The following IL4R variants were observed in gnomAD, a reference collection of about 807,000 sequenced individuals.
IL4R encodes interleukin-4 receptor subunit alpha.
A neutral mutation model predicts 41.5 loss-of-function variants in IL4R; 17 were observed. The ratio of observed to expected loss-of-function variants is 0.41; its 90% CI spans 0.28 to 0.61. The LOEUF (loss-of-function observed/expected upper bound fraction) is 0.61, where lower values mean the gene tolerates loss of function less well. IL4R is among the 20% of genes least tolerant of loss of function. IL4R has a pLI of 0.31. For missense variants in IL4R, 974 were observed against 1,043.1 expected (o/e 0.93, Z 0.91); for synonymous variants, 402 against 422.9 (o/e 0.95, Z 0.61).
Position 27,362,388 on chromosome 16 carries a change from A to G in IL4R, c.1036A>G (p.Ile346Val), listed in dbSNP as rs1207296403. 4.3e-6 allele frequency: 7 copies of G among 1,613,992 alleles called. No individual in the cohort carries two copies. The highest frequency in any genetic ancestry group is 5.9e-6 in the Non-Finnish European group (7 of 1,180,036). Residue 346 changes from isoleucine (I) to valine (V), a missense_variant, in exon 11 of 11, where the codon ATC becomes GTC. By Grantham distance (29) the Ile-to-Val change is conservative. Coordinates refer to ENST00000395762, the MANE Select transcript of IL4R (RefSeq NM_000418.4). Reference sequence around the variant, plus strand: ...AAAATCAGCATGGTGCCCAGTGGAGATCAGCAAGACAGTCCTCTGGCCAGA... The same window carrying G: ...AAAATCAGCATGGTGCCCAGTGGAGGTCAGCAAGACAGTCCTCTGGCCAGA... Reference protein sequence around the residue: ...SGKSAWCPVEISKTVLWPESI... With the variant: ...SGKSAWCPVEVSKTVLWPESI...
In IL4R at chr16:27,329,036, G is replaced by A. The variant is rs2085039350; in HGVS notation, c.-151-1030G>A. 2.0e-5 allele frequency among the ~76,000 whole-genome samples: 3 copies of A among 152,160 alleles called. No individual in the cohort carries two copies. In the South Asian group the frequency reaches 6.2e-4, roughly 31 times the overall value. ...GTGTTGGAGGTGGGTCCTGGTGGGAGATGTTGGGTCATGGGGACGGGTCCC... is the reference window on the plus strand; with the variant it reads ...GTGTTGGAGGTGGGTCCTGGTGGGAAATGTTGGGTCATGGGGACGGGTCCC... On this transcript the variant is annotated intron_variant, in intron 1 of 10. Coordinates refer to ENST00000395762, the MANE Select transcript of IL4R (RefSeq NM_000418.4).
Position 27,363,757 on chromosome 16 carries a change from C to G in IL4R, c.2405C>G (p.Ala802Gly). 1 of 1,612,770 alleles carries G rather than the reference C, an allele frequency of 6.2e-7. No individual in the cohort carries two copies. ...SSSFHPAPGN[A>G]QSSSQTPKIV... ...TCCTTCCATCCTGCCCCTGGCAATG[C>G]TCAGAGCTCAAGCCAGACCCCCAAA... The change falls in exon 11 of 11, where the codon GCT becomes GGT. Residue 802 changes from alanine (A) to glycine (G), a missense_variant. By Grantham distance (60) the Ala-to-Gly change is moderately conservative. This residue lies in a region of IL4R where 682 missense variants were observed against 704.3 expected (regional missense o/e 0.97). Coordinates refer to ENST00000395762, the MANE Select transcript of IL4R (RefSeq NM_000418.4).
intron 2 of IL4R, among the ~76,000 whole-genome samples, chr16:27,336,378 A>T (rs1211911710): frequency 6.6e-6 from 1 of 152,116 alleles, no homozygotes; most frequent in African/African-American, 2.4e-5. Context: ...GAGGAAAAGC[A>T]CGCGTAAGGG....
rs1011518566 is a variant in IL4R, at chr16:27,345,092, G to A, written c.361+72G>A. 14 of 533,184 alleles carry A rather than the reference G, an allele frequency of 2.6e-5. No homozygotes were observed. Among genetic ancestry groups the A allele is most frequent in the African/African-American group, 2.1e-4 (11 of 52,500 alleles). 33.0% of individuals were successfully genotyped at this position (533,184 alleles called of 1,614,324 possible). ...GCTGCCTGGGCTGAGGGTGGGGTGGGCAGGGGAGGAGGTGGGGTCATAGCA... is the reference window on the plus strand; with the variant it reads ...GCTGCCTGGGCTGAGGGTGGGGTGGACAGGGGAGGAGGTGGGGTCATAGCA... On this transcript the variant is annotated intron_variant, in intron 5 of 10. Coordinates refer to ENST00000395762, the MANE Select transcript of IL4R (RefSeq NM_000418.4). The surrounding 1 kb of genome is among the most constrained non-coding windows in gnomAD (Gnocchi z 4.5).
At chr16:27,313,875 C>A, upstream of IL4R, 1 of 975,408 alleles carries the variant, frequency 1.0e-6, no homozygotes, top group Non-Finnish European at 1.2e-6. Context: ...ATCTGCCGGG[C>A]GCCGGGGCGG....
chr16:27,358,080 G>A (rs1256004566), intron 8 of IL4R, among the ~76,000 whole-genome samples: 2 of 152,058 alleles, frequency 1.3e-5, no homozygotes, highest in South Asian at 2.1e-4. Context: ...TTTTAGTAGA[G>A]ACGGTGTTTC....
Position 27,345,134 on chromosome 16 carries a change from G to A in IL4R, c.361+114G>A, listed in dbSNP as rs1468058574. ...GTCATAGCAACAGCAGGAGGAAGCC[G>A]CCTGTATTTTCCCAAATCTGATGGG... On this transcript the variant is annotated intron_variant, in intron 5 of 10. Transcript: ENST00000395762. This position sits in a 1 kb window ranked among gnomAD's most constrained non-coding sequence, Gnocchi z 4.5. 22 of 1,185,250 alleles carry A rather than the reference G, an allele frequency of 1.9e-5. No homozygotes were observed. The highest frequency in any genetic ancestry group is 1.9e-4 in the Middle Eastern group (1 of 5,250). The allele number at this position is 1,185,250 out of a possible 1,614,324, so 73.4% of individuals were successfully genotyped here. A position where few individuals can be genotyped will look rare whatever the true frequency, so the allele number is the denominator to read the frequency against.
intron 6 of IL4R, among the ~76,000 whole-genome samples, chr16:27,347,258 T>C (rs2085682692): frequency 6.6e-6 from 1 of 152,222 alleles, no homozygotes; most frequent in Non-Finnish European, 1.5e-5. Context: ...TGGCGTGATC[T>C]TGGCTCACTG....
At chr16:27,359,273 C>A (rs1219455555) in intron 9 of IL4R, among the ~76,000 whole-genome samples, 1 of 152,170 alleles carries the variant, frequency 6.6e-6, no homozygotes, top group African/African-American at 2.4e-5. Flanking sequence ...GGGTCATCAT[C>A]ACTGTGTCAT....
intron 2 of IL4R, among the ~76,000 whole-genome samples, chr16:27,331,891 C>T (rs1357925291): frequency 6.6e-6 from 1 of 152,004 alleles, no homozygotes; most frequent in East Asian, 1.9e-4. Flanking sequence ...TTGTTAGTTG[C>T]CTACACATTA....
chr16:27,326,863 G>A (rs867936754), intron 1 of IL4R, among the ~76,000 whole-genome samples: 1 of 152,042 alleles, frequency 6.6e-6, no homozygotes, highest in South Asian at 2.1e-4. Flanking sequence ...GGCAGATCCC[G>A]GGCCATTCTG....
At chr16:27,341,194 G>C (rs2085429600) in intron 3 of IL4R, 2 of 694,358 alleles carry the variant, frequency 2.9e-6, no homozygotes, top group Non-Finnish European at 5.3e-6. Flanking sequence ...GGACAGATTG[G>C]AATTGAGGTG....
intron 6 of IL4R, among the ~76,000 whole-genome samples, chr16:27,350,706 G>A (rs2085835322): frequency 6.6e-6 from 1 of 152,064 alleles, no homozygotes; most frequent in Non-Finnish European, 1.5e-5. Context: ...CTTTTTTGGA[G>A]GGTAAAAGTA....
rs763042683 is a variant in IL4R at position 27,362,787 on chromosome 16, C to G, written c.1435C>G (p.Pro479Ala). The G allele has an allele frequency of 6.2e-7, 1 of 1,614,192 alleles. No individual in the cohort carries two copies. Among genetic ancestry groups the G allele is most frequent in the Non-Finnish European group, 8.5e-7 (1 of 1,180,026 alleles). ...PSPPASPTQSPDNLTCTETPL... is the reference protein window; with the variant it reads ...PSPPASPTQSADNLTCTETPL... ...TCCTCCTGCCAGCCCGACCCAGAGT[C>G]CAGACAACCTGACTTGCACAGAGAC... Residue 479 changes from proline (P) to alanine (A), a missense_variant, in exon 11 of 11, where the codon CCA becomes GCA. This residue lies in a region of IL4R where 682 missense variants were observed against 704.3 expected (regional missense o/e 0.97). Coordinates refer to ENST00000395762, the MANE Select transcript of IL4R (RefSeq NM_000418.4).
Position 27,363,215 on chromosome 16 carries a change from G to A in IL4R, c.1863G>A (p.Gly621=). 6.2e-7 allele frequency: 1 copy of A among 1,608,782 alleles called. No homozygotes were observed. The highest frequency in any genetic ancestry group is 8.5e-7 in the Non-Finnish European group (1 of 1,176,958). ...ASSAVSPEKC[G]FGASSGEEGY... is the part of the protein sequence containing the mutation. ...GTGCTGTGTCCCCAGAGAAATGTGGGTTTGGGGCTAGCAGTGGGGAAGAGG... is the reference window on the plus strand; with the variant it reads ...GTGCTGTGTCCCCAGAGAAATGTGGATTTGGGGCTAGCAGTGGGGAAGAGG... Residue 621 remains glycine, a synonymous_variant, in exon 11 of 11, where the codon GGG becomes GGA. Coordinates refer to ENST00000395762, the MANE Select transcript of IL4R (RefSeq NM_000418.4).
At chr16:27,328,763 T>G (rs961220295) in intron 1 of IL4R, among the ~76,000 whole-genome samples, 3 of 152,158 alleles carry the variant, frequency 2.0e-5, no homozygotes, top group Middle Eastern at 3.2e-3. Flanking sequence ...ACTCCCAACT[T>G]GAAAAACTAG....
At chr16:27,313,777 C>G (rs2084537490), upstream of IL4R, 3 of 360,784 alleles carry the variant, frequency 8.3e-6, no homozygotes, top group Non-Finnish European at 7.7e-6. Flanking sequence ...GCGGCTCGGA[C>G]TGTCCGGCGG....
At chr16:27,357,877 A>G (rs1567333246) in intron 8 of IL4R, among the ~76,000 whole-genome samples, 1 of 150,554 alleles carries the variant, frequency 6.6e-6, no homozygotes, top group Non-Finnish European at 1.5e-5. Context: ...ATGACCTCAT[A>G]TAAGCATTTC....
intron 1 of IL4R, among the ~76,000 whole-genome samples, chr16:27,323,659 C>CT (rs879485903): frequency 1.7e-3 from 244 of 144,088 alleles, no homozygotes; most frequent in East Asian, 3.0e-3. Flanking sequence ...TCAAGGGCTT[C>CT]TTTTTTTTTT....
Sources: gnomAD v4.1 joint callset for allele counts (sites outside exome capture counted in the v4.1 genomes callset) on GRCh38, gnomAD v4.1.1 for gene constraint, gnomAD v4.1.1 regional missense constraint, Gnocchi (gnomAD v3.1) non-coding constraint, MANE v1.5 for transcripts, NCBI Gene and HGNC (gene_info 2026-07-23, HGNC 2026-07-21) for gene names.